Variants in SETX observed in about 807,000 individuals in gnomAD.
SETX encodes the protein helicase senataxin.
Under a neutral mutation model 227.2 loss-of-function variants are expected in SETX, and 90 were observed. That is an observed-to-expected ratio of 0.40 (90% CI 0.33 to 0.47). SETX has a LOEUF of 0.47. Ranked by LOEUF, SETX falls within the 20% of genes least tolerant of loss-of-function variation. SETX has a pLI of 0.91. For missense variants in SETX, 3,052 were observed against 3,181.5 expected, an observed-to-expected ratio of 0.96 and a Z score of 0.98; for synonymous variants, 1,210 against 1,113.2, an observed-to-expected ratio of 1.09 and a Z score of -1.73.
At chr9:132,306,784 A>C (rs538686852) in intron 11 of SETX, among the ~76,000 whole-genome samples, 4 of 152,094 alleles carry the variant, frequency 2.6e-5, no homozygotes, top group Admixed American at 6.5e-5. Context: ...ATATGTGATC[A>C]TAACACAGCA....
intron 5 of SETX, among the ~76,000 whole-genome samples, chr9:132,341,565 A>G (rs1847965244): frequency 6.6e-6 from 1 of 152,204 alleles, no homozygotes; most frequent in African/African-American, 2.4e-5. Context: ...CTTTGGTTAC[A>G]TAAGGGCTAG....
intron 11 of SETX, among the ~76,000 whole-genome samples, chr9:132,306,198 C>G (rs554735998): frequency 1.3e-5 from 2 of 152,284 alleles, no homozygotes; most frequent in South Asian, 4.1e-4. Flanking sequence ...ATTACTAATA[C>G]TAAGCCAGTT....
At chr9:132,280,597 T>A (rs1843445509) in intron 20 of SETX, among the ~76,000 whole-genome samples, 1 of 152,136 alleles carries the variant, frequency 6.6e-6, no homozygotes, top group African/African-American at 2.4e-5. Flanking sequence ...AATTCCGAAA[T>A]CAAAAACCAC....
chr9:132,335,082 C>G (rs539249784), intron 6 of SETX, among the ~76,000 whole-genome samples: 1 of 151,810 alleles, frequency 6.6e-6, no homozygotes, highest in African/African-American at 2.4e-5. Context: ...GATTTGGAAT[C>G]AAGGAAATGG....
intron 18 of SETX, among the ~76,000 whole-genome samples, chr9:132,284,082 C>G (rs768457978): frequency 6.6e-6 from 1 of 152,140 alleles, no homozygotes; most frequent in African/African-American, 2.4e-5. Context: ...TCAGCACATA[C>G]GATATATTCA....
At chr9:132,309,906 G>C (rs539500927) in intron 11 of SETX, among the ~76,000 whole-genome samples, 2 of 152,028 alleles carry the variant, frequency 1.3e-5, no homozygotes, top group Non-Finnish European at 2.9e-5. Flanking sequence ...TTAAGAAACG[G>C]GACACAGAGC....
At chr9:132,282,451 G>A (rs553251657) in intron 19 of SETX, among the ~76,000 whole-genome samples, 1 of 151,672 alleles carries the variant, frequency 6.6e-6, no homozygotes, top group East Asian at 1.9e-4. Context: ...ATCAACTCCT[G>A]GCTCATTTTT....
At chr9:132,342,035 T>C (rs1848007160) in intron 5 of SETX, among the ~76,000 whole-genome samples, 1 of 152,172 alleles carries the variant, frequency 6.6e-6, no homozygotes, top group African/African-American at 2.4e-5. Flanking sequence ...CCCATTACCA[T>C]GCTTTTTTTA....
rs555738623 is a variant in SETX, at chr9:132,328,037, A to G, written c.3561T>C (p.Asp1187=). Residue 1187 remains aspartate (D), a synonymous_variant, in exon 10 of 26, where the codon GAT becomes GAC. Coordinates refer to ENST00000224140, the MANE Select transcript of SETX (RefSeq NM_015046.7). ...TTCCCACAAGATCTCTCTTATTAGT[A>G]TCAGACTGGCCCTCATTTCTGACAG... ...SSSVRNEGQS[D]TNKRDLVGND... is the part of the protein sequence containing the mutation. 24 of 1,614,146 alleles carry G rather than the reference A, an allele frequency of 1.5e-5. No homozygotes were observed. The East Asian group carries it at 5.1e-4, about 34-fold the overall frequency.
In SETX at chr9:132,292,505, TA is replaced by T. The variant is rs781320757; in HGVS notation, c.6106+3366del. ...GCAAATAGAAATTTACTTATTCTGTTAAAAAAAAGACAACAAATAAAGACAA... is the reference window on the plus strand; with the variant it reads ...GCAAATAGAAATTTACTTATTCTGTTAAAAAAAGACAACAAATAAAGACAA... On this transcript the variant is annotated intron_variant, in intron 15 of 25. Transcript: ENST00000224140. Among the ~76,000 whole-genome samples, 284 of 150,898 alleles carry T rather than the reference TA, an allele frequency of 1.9e-3. 1 individual carries two copies. Among genetic ancestry groups the T allele is most frequent in the African/African-American group, 6.3e-3 (259 of 41,160 alleles).
chr9:132,331,614 G>A (rs1476245482), intron 7 of SETX, among the ~76,000 whole-genome samples, 166 bp from the exon 8 acceptor site: 2 of 151,794 alleles, frequency 1.3e-5, no homozygotes, highest in Non-Finnish European at 2.9e-5. Context: ...ACACACAGAG[G>A]GTTTCAAAAG....
At position 132,330,153 on chromosome 9, in the gene SETX, G is replaced by C. The variant is rs749942554; in HGVS notation, c.1445C>G (p.Ser482Cys). The C allele has an allele frequency of 6.2e-7, 1 of 1,604,248 alleles. No homozygotes were observed. Among genetic ancestry groups the C allele is most frequent in the Non-Finnish European group, 8.5e-7 (1 of 1,173,154 alleles). The change falls in exon 10 of 26, where the codon TCC becomes TGC. Residue 482 changes from serine (S) to cysteine (C), a missense_variant. Ser to Cys is a moderately radical substitution (Grantham distance 112, BLOSUM62 -1). Coordinates refer to ENST00000224140, the MANE Select transcript of SETX (RefSeq NM_015046.7). ...KKCLHLLWVSSQQWVEAVVKC... is the reference protein window; with the variant it reads ...KKCLHLLWVSCQQWVEAVVKC... ...GACGACGGCTTCCACCCATTGCTGGGAACTTACCCACAGCAAATGCAAACA... is the reference window on the plus strand; with the variant it reads ...GACGACGGCTTCCACCCATTGCTGGCAACTTACCCACAGCAAATGCAAACA...
chr9:132,327,932 C>T lies in SETX; in HGVS notation c.3666G>A (p.Lys1222=). The T allele has an allele frequency of 1.2e-6, 2 of 1,614,042 alleles. No homozygotes were observed. The highest frequency in any genetic ancestry group is 1.3e-5 in the African/African-American group (1 of 75,012). Residue 1222 remains lysine (K), a synonymous_variant, in exon 10 of 26, where the codon AAG becomes AAA. Transcript: ENST00000224140. ...CTGTACAAGTACAAAGCTTTGAAGA[C>T]TTCTTTTGTGAAACCGTAGTGGCTC... ...IQRATTVSQK[K]SSKLCTCTEP...
rs1282339261 is a variant in SETX at position 132,288,291 on chromosome 9, T to A, written c.6269A>T (p.Gln2090Leu). ...MHKRKEFLDY[Q>L]LDELSRQRAL... The stretch of plus-strand genomic sequence containing the variant: ...TCGCTGCCGGGAAAGCTCATCCAGC[T>A]GATAATCTAGAAATTCCTTTCTTTT... The change falls in exon 17 of 26, where the codon CAG becomes CTG. Residue 2090 changes from glutamine to leucine, a missense_variant. Physicochemically the swap from Gln to Leu is moderately radical, Grantham distance 113 (BLOSUM62 -2). Coordinates refer to ENST00000224140, the MANE Select transcript of SETX (RefSeq NM_015046.7). 1.2e-6 allele frequency: 2 copies of A among 1,614,254 alleles called. No homozygotes were observed. Among genetic ancestry groups the A allele is most frequent in the African/African-American group, 2.7e-5 (2 of 75,076 alleles).
rs1845944600 is a variant in SETX, at chr9:132,316,000, G to A, written c.5275-4144C>T. On this transcript the variant is annotated intron_variant, in intron 10 of 25. Transcript: ENST00000224140. ...TTTTCAACCAACTTTTAAGTCTTCT[G>A]GGACTGACTCACATAGTACTCTTTA... Among the ~76,000 whole-genome samples, 3 of 152,186 alleles carry A rather than the reference G, an allele frequency of 2.0e-5. No individual in the cohort carries two copies. In the South Asian group the frequency reaches 6.2e-4, roughly 32 times the overall value.
Position 132,298,309 on chromosome 9 carries a change from C to T in SETX, c.5552G>A (p.Arg1851His), listed in dbSNP as rs137978070. The T allele has an allele frequency of 1.8e-5, 29 of 1,613,292 alleles. No individual in the cohort carries two copies. The highest frequency in any genetic ancestry group is 2.4e-5 in the Non-Finnish European group (28 of 1,179,456). The change falls in exon 13 of 26, where the codon CGT becomes CAT. Residue 1851 changes from arginine (R) to histidine (H), a missense_variant. Arg to His is a conservative substitution (Grantham distance 29). Transcript: ENST00000224140. ...VHKFRRTSVM[R>H]NGKTECYLSI... ...AAGGTAACACTCAGTTTTCCCATTA[C>T]GCACTATCATCAAGAAAGAGAAAAA... is the stretch of plus-strand genomic sequence containing the variant.
In SETX at chr9:132,328,437, T is replaced by G. The variant is rs547184795; in HGVS notation, c.3161A>C (p.Asn1054Thr). 25 of 1,613,870 alleles carry G rather than the reference T, an allele frequency of 1.5e-5. No individual in the cohort carries two copies. The highest frequency in any genetic ancestry group is 3.3e-4 in the Middle Eastern group (2 of 6,062). The stretch of plus-strand genomic sequence containing the variant: ...TACTGGATTCTTTTCCTCCTTACTA[T>G]TAACTGTTGAAACGTGCTGCTCTGG... The part of the protein sequence containing the change: ...EHPEQHVSTV[N>T]SKEEKNPVKE... Residue 1054 changes from asparagine to threonine, a missense_variant, in exon 10 of 26, where the codon AAT becomes ACT. Asn to Thr is a moderately conservative substitution (Grantham distance 65). Around this residue, in one of 10 missense-constraint regions of SETX, gnomAD observed 1,483 missense variants for 1,312.0 expected, o/e 1.13. Coordinates refer to ENST00000224140, the MANE Select transcript of SETX (RefSeq NM_015046.7).
rs1365457844 is a variant in SETX, at chr9:132,330,347, G to A, written c.1251C>T (p.Ser417=). 5 of 1,613,896 alleles carry A rather than the reference G, an allele frequency of 3.1e-6. No individual in the cohort carries two copies. The Admixed American group carries it at 6.7e-5, about 22-fold the overall frequency. ...CACCCAAATCCTTAAGATCCATGAG[G>A]GACTGGACAAAAGGGATGAACCATA... ...TFLWFIPFVQ[S]LMDLKDLGVA... is the part of the protein sequence containing the mutation. Residue 417 remains serine (S), a synonymous_variant, in exon 10 of 26, where the codon TCC becomes TCT. Transcript: ENST00000224140.
At chr9:132,314,901 ATTGTG>A (rs1201780367) in intron 10 of SETX, among the ~76,000 whole-genome samples, 95 of 109,962 alleles carry the variant, frequency 8.6e-4, no homozygotes, top group African/African-American at 3.2e-3. Flanking sequence ...TTATTATTTT[ATTGTG>A]TTTTTTTTTT....
Sources: gnomAD v4.1 joint callset for allele counts (sites outside exome capture counted in the v4.1 genomes callset) on GRCh38, gnomAD v4.1.1 for gene constraint, gnomAD v4.1.1 regional missense constraint, MANE v1.5 for transcripts, NCBI Gene and HGNC (gene_info 2026-07-23, HGNC 2026-07-21) for gene names.